Variants in MAP1A observed in about 807,000 individuals in gnomAD.
MAP1A encodes microtubule associated protein 1A, also known as microtubule-associated protein 1A.
In MAP1A, 42 loss-of-function variants were observed where a neutral mutation model predicts 185.9. The ratio of observed to expected loss-of-function variants is 0.23; its 90% confidence interval spans 0.18 to 0.29. The LOEUF (loss-of-function observed/expected upper bound fraction) is 0.29, where lower values mean the gene tolerates loss of function less well. Among genes scored for constraint, MAP1A ranks in the 10% least tolerant of loss-of-function variants. MAP1A has a pLI of 1.00. For missense variants in MAP1A, 2,995 were observed against 3,450.4 expected, an observed-to-expected ratio of 0.87 and a Z score of 3.31; for synonymous variants, 1,229 against 1,335.9, an observed-to-expected ratio of 0.92 and a Z score of 1.74.
At position 43,526,853 on chromosome 15, in the gene MAP1A, G is replaced by A; in HGVS notation, c.5380G>A (p.Glu1794Lys). ...GGACAAACTGACCCGCTCTCCCTTT[G>A]AGATCATCTCCCCTCCAGCTTCCCC... Reference protein sequence around the residue: ...EEDKLTRSPFEIISPPASPPE... With the variant: ...EEDKLTRSPFKIISPPASPPE... Residue 1794 changes from glutamate to lysine, a missense_variant, in exon 4 of 6, where the codon GAG becomes AAG. Around this residue, in one of 3 missense-constraint regions of MAP1A, gnomAD observed 2,728 missense variants for 2,986.0 expected, o/e 0.91. Transcript: ENST00000300231. The surrounding 1 kb of genome is among the most constrained non-coding windows in gnomAD (Gnocchi z 4.7). The A allele has an allele frequency of 1.9e-6, 3 of 1,614,118 alleles. No individual in the cohort carries two copies. Among genetic ancestry groups the A allele is most frequent in the South Asian group, 2.2e-5 (2 of 91,086 alleles).
chr15:43,527,029 C>A lies in MAP1A; in HGVS notation c.5556C>A (p.Leu1852=), dbSNP rs746857096. ...IPPWVPKDRP[L]PPAPLSPAPG... ...CCTGGGTGCCCAAGGACAGACCCCT[C>A]CCCCCTGCACCCCTCTCCCCAGCTC... The change falls in exon 4 of 6, where the codon CTC becomes CTA. Residue 1852 remains leucine, a synonymous_variant. Transcript: ENST00000300231. 1.3e-6 allele frequency: 2 copies of A among 1,590,736 alleles called. No homozygotes were observed. Among genetic ancestry groups the A allele is most frequent in the Admixed American group, 1.7e-5 (1 of 59,158 alleles).
At position 43,528,405 on chromosome 15, in the gene MAP1A, C is replaced by T. The variant is rs755916835; in HGVS notation, c.6932C>T (p.Pro2311Leu). 1 of 1,613,808 alleles carries T rather than the reference C, an allele frequency of 6.2e-7. No individual in the cohort carries two copies. Among genetic ancestry groups the T allele is most frequent in the East Asian group, 2.2e-5 (1 of 44,884 alleles). ...WDLTPLSPAP[P>L]ASLDLALAPA... ...CTCACTCCTCTGAGCCCAGCACCCCCAGCTTCACTGGACTTGGCCCTAGCT... is the reference window on the plus strand; with the variant it reads ...CTCACTCCTCTGAGCCCAGCACCCCTAGCTTCACTGGACTTGGCCCTAGCT... Residue 2311 changes from proline (P) to leucine (L), a missense_variant, in exon 4 of 6, where the codon CCA becomes CTA. Coordinates refer to ENST00000300231, the MANE Select transcript of MAP1A (RefSeq NM_002373.6).
rs777826082 is a variant in MAP1A, at chr15:43,525,752, A to G, written c.4279A>G (p.Lys1427Glu). The G allele has an allele frequency of 3.1e-6, 5 of 1,614,230 alleles. No homozygotes were observed. In the East Asian group the frequency reaches 8.9e-5, roughly 29 times the overall value. The change falls in exon 4 of 6, where the codon AAG (lysine) becomes GAG (glutamate). Residue 1427 changes from lysine (K) to glutamate (E), a missense_variant. By Grantham distance (56) the Lys-to-Glu change is moderately conservative. Transcript: ENST00000300231. ...QKDTALEQKDKALEPKDKDLE... is the reference protein window; with the variant it reads ...QKDTALEQKDEALEPKDKDLE... Reference sequence around the variant, plus strand: ...AGACACAGCCCTAGAACAGAAGGACAAGGCCCTGGAACCAAAAGACAAAGA... The same window carrying G: ...AGACACAGCCCTAGAACAGAAGGACGAGGCCCTGGAACCAAAAGACAAAGA...
At chr15:43,517,838 T>A (rs1413593067) in intron 1 of MAP1A, 138 bp downstream of exon 1, 1 of 170,590 alleles carries the variant, frequency 5.9e-6, no homozygotes, top group Non-Finnish European at 1.2e-5. Flanking sequence ...GATGGGGAAA[T>A]GGAGAGAGAA....
exon 2 of MAP1A, chr15:43,512,221 C>T (rs749942548): frequency 1.3e-5 from 20 of 1,549,746 alleles, no homozygotes; most frequent in Non-Finnish European, 1.7e-5. Flanking sequence ...ACCTGTCATC[C>T]TTTGACTTGA....
In MAP1A at chr15:43,529,064, C is replaced by G; in HGVS notation, c.7591C>G (p.Leu2531Val). Residue 2531 changes from leucine to valine, a missense_variant, in exon 4 of 6, where the codon CTC becomes GTC. Transcript: ENST00000300231. The surrounding 1 kb of genome is among the most constrained non-coding windows in gnomAD (Gnocchi z 4.3). ...TCCGTCCATCACAGCTGAGGCAGCCCTCGACTCAGATGAAGATGGAGACTT... is the reference window on the plus strand; with the variant it reads ...TCCGTCCATCACAGCTGAGGCAGCCGTCGACTCAGATGAAGATGGAGACTT... The part of the protein sequence containing the change: ...ECPSITAEAA[L>V]DSDEDGDFLP... 6.2e-7 allele frequency: 1 copy of G among 1,613,886 alleles called. No individual in the cohort carries two copies. Among genetic ancestry groups the G allele is most frequent in the East Asian group, 2.2e-5 (1 of 44,864 alleles).
Position 43,528,707 on chromosome 15 carries a change from C to G in MAP1A, c.7234C>G (p.Pro2412Ala). Residue 2412 changes from proline (P) to alanine (A), a missense_variant, in exon 4 of 6, where the codon CCA becomes GCA. Physicochemically the swap from Pro to Ala is conservative, Grantham distance 27 (BLOSUM62 -1). Transcript: ENST00000300231. The stretch of plus-strand genomic sequence containing the variant: ...TGACACATTGCTCTCCCCTGAGCAG[C>G]CAGTGTGTCCTGCAGGGGGCTCCGG... Reference protein sequence around the residue: ...RPDTLLSPEQPVCPAGGSGGP... With the variant: ...RPDTLLSPEQAVCPAGGSGGP... 1.9e-6 allele frequency: 3 copies of G among 1,613,734 alleles called. No individual in the cohort carries two copies. The highest frequency in any genetic ancestry group is 1.1e-5 in the South Asian group (1 of 91,062).
chr15:43,511,172 G>A, exon 1 of MAP1A: 1 of 1,550,558 alleles, frequency 6.4e-7, no homozygotes, highest in Non-Finnish European at 8.7e-7. Context: ...AATTGTGATC[G>A]GCGATATCGG....
Position 43,520,976 on chromosome 15 carries a change from A to T in MAP1A, c.-287A>T. ...ACTCCCCTTCTTCCATTCCAGGTTC[A>T]TCATCTTCTTAGCAGCTCATCAGCT... On this transcript the variant is annotated 5_prime_UTR_variant, in exon 3 of 6. Transcript: ENST00000300231. The T allele has an allele frequency of 2.6e-6, 4 of 1,549,932 alleles. No homozygotes were observed. The highest frequency in any genetic ancestry group is 3.5e-6 in the Non-Finnish European group (4 of 1,146,616).
exon 1 of MAP1A, chr15:43,511,093 G>C (rs749110372): frequency 6.5e-7 from 1 of 1,550,232 alleles, no homozygotes. Context: ...AGAACCCCGC[G>C]GAGCTGCTGT....
Position 43,523,830 on chromosome 15 carries a change from C to A in MAP1A, c.2357C>A (p.Ala786Asp). The A allele has an allele frequency of 6.2e-7, 1 of 1,614,062 alleles. No homozygotes were observed. The highest frequency in any genetic ancestry group is 8.5e-7 in the Non-Finnish European group (1 of 1,180,028). Residue 786 changes from alanine to aspartate, a missense_variant, in exon 4 of 6, where the codon GCC becomes GAC. Transcript: ENST00000300231. ...PGPEGAGPFEASQPADSAVPA... is the reference protein window; with the variant it reads ...PGPEGAGPFEDSQPADSAVPA... ...CCTGAAGGTGCTGGCCCATTCGAAG[C>A]CAGCCAACCTGCCGATAGTGCTGTT...
In MAP1A at chr15:43,529,497, A is replaced by G; in HGVS notation, c.8024A>G (p.Lys2675Arg). ...PMSKGLVNGLKAGPMALSSKG... is the reference protein window; with the variant it reads ...PMSKGLVNGLRAGPMALSSKG... ...TCCAAAGGCCTAGTCAATGGACTCA[A>G]GGCAGGACCAAGTAAGTATATCATG... Residue 2675 changes from lysine (K) to arginine (R), a missense_variant, in exon 4 of 6, where the codon AAG becomes AGG. Transcript: ENST00000300231. The surrounding 1 kb of genome is among the most constrained non-coding windows in gnomAD (Gnocchi z 4.3). 6.2e-7 allele frequency: 1 copy of G among 1,605,814 alleles called. No homozygotes were observed. The highest frequency in any genetic ancestry group is 1.3e-5 in the African/African-American group (1 of 74,824).
rs777482263 is a variant in MAP1A at position 43,521,533 on chromosome 15, A to G, written c.60A>G (p.Pro20=). Residue 20 remains proline (P), a synonymous_variant, in exon 4 of 6, where the codon CCA becomes CCG. Transcript: ENST00000300231. The surrounding 1 kb of genome is among the most constrained non-coding windows in gnomAD (Gnocchi z 4.6). The part of the protein sequence containing the change: ...YVSETVDVPS[P]FDLLEPPTSG... The stretch of plus-strand genomic sequence containing the variant: ...CTGAGACTGTGGACGTGCCATCCCC[A>G]TTTGACCTACTAGAGCCCCCCACCT... The G allele has an allele frequency of 5.6e-6, 9 of 1,614,094 alleles. 2 individuals are homozygous for G. In the South Asian group the frequency reaches 9.9e-5, roughly 18 times the overall value.
In MAP1A at chr15:43,524,810, C is replaced by G. The variant is rs756174836; in HGVS notation, c.3337C>G (p.Leu1113Val). 1.5e-5 allele frequency: 24 copies of G among 1,614,196 alleles called. No individual in the cohort carries two copies. The highest frequency in any genetic ancestry group is 1.9e-5 in the Non-Finnish European group (23 of 1,180,034). Reference sequence around the variant, plus strand: ...GGCAGGAGAGCCCACAGGCCCAATTCTGGGAGCAGAAGCCCTTCCCGGAGG... The same window carrying G: ...GGCAGGAGAGCCCACAGGCCCAATTGTGGGAGCAGAAGCCCTTCCCGGAGG... ...MEAGEPTGPILGAEALPGGLR... is the reference protein window; with the variant it reads ...MEAGEPTGPIVGAEALPGGLR... Residue 1113 changes from leucine to valine, a missense_variant, in exon 4 of 6, where the codon CTG becomes GTG. Transcript: ENST00000300231.
In MAP1A at chr15:43,524,463, C is replaced by T. The variant is rs2079333614; in HGVS notation, c.2990C>T (p.Pro997Leu). The change falls in exon 4 of 6, where the codon CCT becomes CTT. Residue 997 changes from proline to leucine, a missense_variant. Coordinates refer to ENST00000300231, the MANE Select transcript of MAP1A (RefSeq NM_002373.6). Reference protein sequence around the residue: ...PDDSTVKMASPPPSGPPSATH... With the variant: ...PDDSTVKMASLPPSGPPSATH... ...GACAGCACAGTGAAGATGGCTTCTC[C>T]TCCACCATCTGGCCCACCCAGTGCC... is the stretch of plus-strand genomic sequence containing the variant. 1 of 1,614,156 alleles carries T rather than the reference C, an allele frequency of 6.2e-7. No homozygotes were observed. The highest frequency in any genetic ancestry group is 8.5e-7 in the Non-Finnish European group (1 of 1,180,028).
At chr15:43,511,274 C>A in intron 1 of MAP1A, 1 of 1,443,352 alleles carries the variant, frequency 6.9e-7, no homozygotes, top group Admixed American at 2.0e-5. Flanking sequence ...CCCTGTGCTT[C>A]TCCGCCTTCT....
At position 43,523,724 on chromosome 15, in the gene MAP1A, T is replaced by C; in HGVS notation, c.2251T>C (p.Ser751Pro). 6.2e-7 allele frequency: 1 copy of C among 1,613,906 alleles called. No homozygotes were observed. The highest frequency in any genetic ancestry group is 8.5e-7 in the Non-Finnish European group (1 of 1,179,938). The change falls in exon 4 of 6, where the codon TCA (serine) becomes CCA (proline). Residue 751 changes from serine (S) to proline (P), a missense_variant. Ser to Pro is a moderately conservative substitution (Grantham distance 74, BLOSUM62 -1). This residue lies in a region of MAP1A where 2,728 missense variants were observed against 2,986.0 expected (regional missense o/e 0.91). Transcript: ENST00000300231. Reference protein sequence around the residue: ...PGYSETEQTISDEEIHDEPEE... With the variant: ...PGYSETEQTIPDEEIHDEPEE... ...CTACTCAGAGACTGAGCAGACCATC[T>C]CAGATGAGGAGATCCATGATGAGCC... is the stretch of plus-strand genomic sequence containing the variant.
Position 43,524,054 on chromosome 15 carries a change from G to C in MAP1A, c.2581G>C (p.Glu861Gln), listed in dbSNP as rs1162193855. The C allele has an allele frequency of 2.4e-5, 39 of 1,614,008 alleles. No homozygotes were observed. In the Admixed American group the frequency reaches 6.3e-4, roughly 26 times the overall value. ...VASLTAPQTE[E>Q]TGKSSLLLDT... ...CTCACTTACAGCTCCCCAGACAGAG[G>C]AGACAGGCAAGAGCTCCCTGCTGCT... The change falls in exon 4 of 6, where the codon GAG (glutamate) becomes CAG (glutamine). Residue 861 changes from glutamate to glutamine, a missense_variant. Coordinates refer to ENST00000300231, the MANE Select transcript of MAP1A (RefSeq NM_002373.6).
chr15:43,522,780 GGAAGGAGGAGAAGAAGGATGCCAA>G lies in MAP1A; in HGVS notation c.1322_1345del (p.Lys441_Lys448del), dbSNP rs780582256. The stretch of plus-strand genomic sequence containing the variant: ...AAAGAGCTCAAGAAGGATGAAGGAA[GGAAGGAGGAGAAGAAGGATGCCAA>G]GAAGGAGGAGAAGAGGAAAGATACC... On this transcript the variant is annotated inframe_deletion, in exon 4 of 6. Transcript: ENST00000300231. The surrounding 1 kb of genome is among the most constrained non-coding windows in gnomAD (Gnocchi z 5.9). 11 of 1,560,216 alleles carry G rather than the reference GGAAGGAGGAGAAGAAGGATGCCAA, an allele frequency of 7.1e-6. No homozygotes were observed. In the South Asian group the frequency reaches 1.3e-4, roughly 18 times the overall value.
Sources: gnomAD v4.1 joint callset for allele counts on GRCh38, gnomAD v4.1.1 for gene constraint, gnomAD v4.1.1 regional missense constraint, Gnocchi (gnomAD v3.1) non-coding constraint, MANE v1.5 for transcripts, NCBI Gene and HGNC (gene_info 2026-07-23, HGNC 2026-07-21) for gene names.